Variants in KCNIP1 observed in about 807,000 individuals in gnomAD.
KCNIP1 encodes the protein potassium voltage-gated channel interacting protein 1, also known as A-type potassium channel modulatory protein KCNIP1.
Under a neutral mutation model 33.0 loss-of-function variants are expected in KCNIP1, and 18 were observed. The ratio of observed to expected loss-of-function variants is 0.55; its 90% CI spans 0.38 to 0.81. The LOEUF (loss-of-function observed/expected upper bound fraction) is 0.81. Among genes scored for constraint, KCNIP1 ranks in the 30% least tolerant of loss-of-function variants. The pLI, the probability that KCNIP1 is intolerant of heterozygous loss-of-function variation, is 0.00. For synonymous variants in KCNIP1, 93 were observed against 98.3 expected (o/e 0.95, Z 0.32); for missense variants, 238 against 271.6 (o/e 0.88, Z 0.87).
chr5:170,734,421 C>A (rs961655470), intron 7 of KCNIP1, among the ~76,000 whole-genome samples: 1 of 152,252 alleles, frequency 6.6e-6, no homozygotes, highest in East Asian at 1.9e-4. Context: ...ATGTGTGAAA[C>A]AATATCCTTG....
chr5:170,523,788 G>T (rs1423528802), intron 1 of KCNIP1, among the ~76,000 whole-genome samples: 1 of 152,100 alleles, frequency 6.6e-6, no homozygotes, highest in African/African-American at 2.4e-5. Flanking sequence ...CCAGCCCATT[G>T]CACTCCAGCC....
At chr5:170,502,443 G>T (rs1303104845), upstream of KCNIP1, among the ~76,000 whole-genome samples, 2 of 152,168 alleles carry the variant, frequency 1.3e-5, no homozygotes, top group Non-Finnish European at 2.9e-5. Flanking sequence ...CTGTATCCTG[G>T]GGATTCAACT....
At chr5:170,394,923 T>A (rs2113372923) in intron 1 of KCNIP1, among the ~76,000 whole-genome samples, 1 of 152,358 alleles carries the variant, frequency 6.6e-6, no homozygotes, top group East Asian at 1.9e-4. Flanking sequence ...GTAAAGGACA[T>A]GATTTCATCC....
At chr5:170,418,949 C>A (rs1270823244) in intron 1 of KCNIP1, among the ~76,000 whole-genome samples, 4 of 152,340 alleles carry the variant, frequency 2.6e-5, no homozygotes, top group Non-Finnish European at 5.9e-5. Flanking sequence ...TTTCACGTGC[C>A]ATTTGAGTGA....
intron 1 of KCNIP1, among the ~76,000 whole-genome samples, chr5:170,712,385 C>T (rs1255826148): frequency 6.6e-6 from 1 of 152,200 alleles, no homozygotes; most frequent in East Asian, 1.9e-4. Context: ...GTAGATACTT[C>T]ATTGACAGTT....
intron 1 of KCNIP1, among the ~76,000 whole-genome samples, chr5:170,451,770 T>TGTGTGTGTGTGTGTGTGTGTGTG (rs1215207951): frequency 2.0e-5 from 3 of 147,610 alleles, no homozygotes; most frequent in Admixed American, 6.7e-5. Flanking sequence ...TGTGTGTGTG[T>TGTGTGTGTGTGTGTGTGTGTGTG]TTGCAGGGGG....
intron 1 of KCNIP1, among the ~76,000 whole-genome samples, chr5:170,527,578 C>G (rs999483077): frequency 2.6e-5 from 4 of 151,840 alleles, no homozygotes; most frequent in African/African-American, 9.7e-5. Flanking sequence ...GCAGCAGAAC[C>G]AGGCAGTTGA....
At chr5:170,660,224 G>A (rs1272394048) in intron 1 of KCNIP1, among the ~76,000 whole-genome samples, 2 of 152,154 alleles carry the variant, frequency 1.3e-5, no homozygotes, top group Non-Finnish European at 1.5e-5. Context: ...ACTGTTGGCT[G>A]TAAAACCATG....
chr5:170,530,254 G>C (rs759215446), intron 1 of KCNIP1, among the ~76,000 whole-genome samples: 1 of 152,286 alleles, frequency 6.6e-6, no homozygotes, highest in Non-Finnish European at 1.5e-5. Context: ...CTCAAAGACA[G>C]GATTATTATT....
At chr5:170,660,850 C>T (rs1047911610) in intron 1 of KCNIP1, among the ~76,000 whole-genome samples, 1 of 152,230 alleles carries the variant, frequency 6.6e-6, no homozygotes, top group East Asian at 1.9e-4. Flanking sequence ...CAGGAGCCAG[C>T]GTGGGCTTGC....
chr5:170,477,564 T>C (rs2113154230), intron 1 of KCNIP1, among the ~76,000 whole-genome samples: 1 of 152,278 alleles, frequency 6.6e-6, no homozygotes, highest in Admixed American at 6.5e-5. Context: ...TGCCTCAGCC[T>C]CCCAAGTAGC....
intron 1 of KCNIP1, among the ~76,000 whole-genome samples, chr5:170,494,373 C>T (rs1414351563): frequency 6.6e-6 from 1 of 152,148 alleles, no homozygotes; most frequent in Non-Finnish European, 1.5e-5. Flanking sequence ...AAAAAGAACT[C>T]GGCTTGAAGG....
At chr5:170,541,312 T>C (rs1186615028) in intron 1 of KCNIP1, among the ~76,000 whole-genome samples, 1 of 152,228 alleles carries the variant, frequency 6.6e-6, no homozygotes, top group African/African-American at 2.4e-5. Context: ...CCTTTTGGAC[T>C]GGTCATTTCT....
At chr5:170,675,662 C>T (rs1224794852) in intron 1 of KCNIP1, among the ~76,000 whole-genome samples, 1 of 152,176 alleles carries the variant, frequency 6.6e-6, no homozygotes, top group Non-Finnish European at 1.5e-5. Context: ...CCACTAAAAA[C>T]ATCATTAGTA....
At chr5:170,601,907 G>A (rs1758709870) in intron 1 of KCNIP1, among the ~76,000 whole-genome samples, 1 of 152,198 alleles carries the variant, frequency 6.6e-6, no homozygotes, top group Non-Finnish European at 1.5e-5. Flanking sequence ...TGGCAATGGG[G>A]AATGGAGCAG....
At chr5:170,502,615 A>G (rs991254795), upstream of KCNIP1, among the ~76,000 whole-genome samples, 2 of 152,102 alleles carry the variant, frequency 1.3e-5, no homozygotes, top group Non-Finnish European at 2.9e-5. Flanking sequence ...TACAATAGCA[A>G]TGTCTGTGCG....
chr5:170,686,057 C>T (rs570305002), intron 1 of KCNIP1, among the ~76,000 whole-genome samples: 5 of 152,166 alleles, frequency 3.3e-5, no homozygotes, highest in Non-Finnish European at 7.3e-5. Context: ...CTGTACTTCC[C>T]ATCCCCACTT....
Position 170,512,237 on chromosome 5 carries a change from T to A in KCNIP1, c.61+7604T>A, listed in dbSNP as rs373733245. On this transcript the variant is annotated intron_variant, in intron 1 of 7. Transcript: ENST00000328939. Reference sequence around the variant, plus strand: ...GTGTTTAAATATCTTCCAAGTATGTTAGAATTGCAAACGTTCAGAACCAGG... The same window carrying A: ...GTGTTTAAATATCTTCCAAGTATGTAAGAATTGCAAACGTTCAGAACCAGG... Among the ~76,000 whole-genome samples, 5 of 152,358 alleles carry A rather than the reference T, an allele frequency of 3.3e-5. No individual in the cohort carries two copies. In the South Asian group the frequency reaches 1.0e-3, roughly 32 times the overall value.
chr5:170,385,408 T>C, intron 1 of KCNIP1: 1 of 1,614,058 alleles, frequency 6.2e-7, no homozygotes, highest in Non-Finnish European at 8.5e-7. Context: ...AGGGCTCGTG[T>C]CTCTCCCCGC....
Sources: gnomAD v4.1 joint callset for allele counts (sites outside exome capture counted in the v4.1 genomes callset) on GRCh38, gnomAD v4.1.1 for gene constraint, MANE v1.5 for transcripts, NCBI Gene and HGNC (gene_info 2026-07-23, HGNC 2026-07-21) for gene names.